PUDP: variants seen among roughly 807,000 people sequenced by gnomAD.
PUDP encodes the protein pseudouridine 5'-phosphatase, also known as pseudouridine-5'-phosphatase.
PUDP carries 8 observed loss-of-function variants against 9.4 expected under a neutral mutation model. That is an observed-to-expected ratio of 0.85 (90% CI 0.50 to 1.53). PUDP has a LOEUF of 1.53. PUDP is among the 40% of genes most tolerant of loss of function. The pLI is 0.00. For missense variants in PUDP, 188 were observed against 189.7 expected, an observed-to-expected ratio of 0.99 and a Z score of 0.05; for synonymous variants, 99 against 80.7, an observed-to-expected ratio of 1.23 and a Z score of -1.22.
chrX:6,963,133 A>G lies in PUDP; in HGVS notation c.*247+14000T>C, dbSNP rs1216688713. ...CAGGTATCCAACTTGTCATGCTTCT[A>G]CGATCTTTAACTCATGTCTTCAAGG... is the stretch of plus-strand genomic sequence containing the variant. On this transcript the variant is annotated intron_variant and NMD_transcript_variant, in intron 3 of 3. Coordinates refer to the PUDP transcript ENST00000655425. 8.9e-5 allele frequency among the ~76,000 whole-genome samples: 10 copies of G among 112,339 alleles called. No homozygotes were observed. The Admixed American group carries it at 9.5e-4, about 11-fold the overall frequency.
chrX:7,116,767 A>G (rs1932205267), intron 1 of PUDP, among the ~76,000 whole-genome samples: 1 of 111,793 alleles, frequency 8.9e-6, no homozygotes, highest in African/African-American at 3.3e-5. Flanking sequence ...TGTAGCCCTC[A>G]ATGTTGGAGG....
chrX:7,027,195 G>A (rs890983622), intron 1 of PUDP, among the ~76,000 whole-genome samples: 5 of 110,650 alleles, frequency 4.5e-5, no homozygotes, highest in Admixed American at 3.9e-4. Context: ...TTCTCCCATC[G>A]CAGCCCTGCT....
chrX:6,708,563 T>C (rs1483317686), intron 1 of PUDP, among the ~76,000 whole-genome samples: 4 of 112,420 alleles, frequency 3.6e-5, no homozygotes, highest in Non-Finnish European at 7.5e-5. Flanking sequence ...TCACATCAAC[T>C]AGATTATTTA....
In PUDP at chrX:6,923,959, C is replaced by T. The variant is rs1928062691; in HGVS notation, c.*247+53174G>A. Among the ~76,000 whole-genome samples the T allele has an allele frequency of 3.6e-5, 4 of 110,863 alleles. No homozygotes were observed. The Admixed American group carries it at 3.9e-4, about 11-fold the overall frequency. On this transcript the variant is annotated intron_variant and NMD_transcript_variant, in intron 3 of 3. Coordinates refer to the PUDP transcript ENST00000655425. ...TCCCTTGCCAGCCCCAAACTCATAC[C>T]ATGTCCATGGAGCCTTCCCACCTTC...
At chrX:7,026,665 T>C (rs895171719) in intron 1 of PUDP, among the ~76,000 whole-genome samples, 21 of 111,487 alleles carry the variant, frequency 1.9e-4, no homozygotes, top group Non-Finnish European at 3.2e-4. Context: ...CTAGAGACAT[T>C]GCTGGTTTCC....
intron 1 of PUDP, among the ~76,000 whole-genome samples, chrX:7,120,668 G>A (rs776770923): frequency 5.3e-5 from 6 of 112,277 alleles, no homozygotes; most frequent in Non-Finnish European, 1.1e-4. Flanking sequence ...GTTTACTCAA[G>A]AAAGAAAAGC....
intron 3 of PUDP, among the ~76,000 whole-genome samples, chrX:6,970,249 G>A (rs7890406): frequency 0.028 from 3,161 of 111,496 alleles, 57 homozygotes; most frequent in African/African-American, 0.067. Context: ...TTTGAAAATC[G>A]CTTTGTAAAA....
At chrX:6,866,957 A>G (rs372103479) in intron 3 of PUDP, among the ~76,000 whole-genome samples, 7 of 111,503 alleles carry the variant, frequency 6.3e-5, no homozygotes, top group African/African-American at 2.0e-4. Flanking sequence ...CAGGCCCCAG[A>G]GGGTAGGCGT....
Position 6,990,492 on chromosome X carries a change from T to A in PUDP, c.205-12149A>T, listed in dbSNP as rs144009106. ...ATAGAAAGTTCTAAAAAACGAGGAA[T>A]CAACAGAAAATTAAGTTCCAGTTTC... On this transcript the variant is annotated intron_variant and NMD_transcript_variant, in intron 1 of 3. Transcript: ENST00000655425. Among the ~76,000 whole-genome samples, 640 of 112,241 alleles carry A rather than the reference T, an allele frequency of 5.7e-3. 2 individuals are homozygous for A. Among genetic ancestry groups the A allele is most frequent in the African/African-American group, 0.02 (615 of 30,907 alleles).
intron 3 of PUDP, among the ~76,000 whole-genome samples, chrX:6,933,680 C>T (rs1320690075): frequency 6.3e-5 from 7 of 111,152 alleles, no homozygotes; most frequent in Non-Finnish European, 1.1e-4. Context: ...AATCAAATTA[C>T]TCTGAGCTAC....
At chrX:6,738,505 A>G (rs1287424971) in intron 3 of PUDP, among the ~76,000 whole-genome samples, 4 of 111,802 alleles carry the variant, frequency 3.6e-5, no homozygotes, top group African/African-American at 1.3e-4. Context: ...AGGCATATGT[A>G]TTTTTGAAAG....
chrX:7,062,099 C>T (rs184560013), intron 3 of PUDP, among the ~76,000 whole-genome samples: 58 of 111,981 alleles, frequency 5.2e-4, no homozygotes, highest in African/African-American at 1.8e-3. Context: ...AGAAGCTGGG[C>T]TTTAATCAAT....
At chrX:6,977,667 T>C (rs995110135) in intron 2 of PUDP, among the ~76,000 whole-genome samples, 2 of 112,038 alleles carry the variant, frequency 1.8e-5, no homozygotes, top group African/African-American at 6.5e-5. Flanking sequence ...TAGGTCTCCA[T>C]GTGTTGTTGC....
At chrX:7,093,718 G>A (rs1317435594) in intron 2 of PUDP, among the ~76,000 whole-genome samples, 1 of 111,712 alleles carries the variant, frequency 9.0e-6, no homozygotes, top group East Asian at 2.8e-4. Context: ...CCTCTCCTTT[G>A]AATCGAGAGG....
chrX:6,823,799 T>C (rs1161195151), intron 3 of PUDP, among the ~76,000 whole-genome samples: 1 of 112,872 alleles, frequency 8.9e-6, no homozygotes, highest in Non-Finnish European at 1.9e-5. Flanking sequence ...ATTCCTGGAA[T>C]GGAGGGTTCC....
rs771038517 is a variant in PUDP at position 6,910,015 on chromosome X, G to T, written c.*247+67118C>A. Among the ~76,000 whole-genome samples, 19 of 112,130 alleles carry T rather than the reference G, an allele frequency of 1.7e-4. 1 individual carries two copies. In the South Asian group the frequency reaches 6.7e-3, roughly 39 times the overall value. ...CAAGCTGTCTTTGCAGCTGAATTTG[G>T]CCATGTGGACTCAGTCATCACTATG... On this transcript the variant is annotated intron_variant and NMD_transcript_variant, in intron 3 of 3. Transcript: ENST00000655425.
chrX:7,031,085 T>C (rs1369581980), intron 1 of PUDP, among the ~76,000 whole-genome samples: 1 of 111,119 alleles, frequency 9.0e-6, no homozygotes, highest in East Asian at 2.8e-4. Context: ...GGGAAGGTAG[T>C]AGTGAGGATG....
chrX:6,930,720 A>G (rs1928176906), intron 3 of PUDP, among the ~76,000 whole-genome samples: 1 of 110,271 alleles, frequency 9.1e-6, no homozygotes, highest in African/African-American at 3.3e-5. Flanking sequence ...TCTACTCTGC[A>G]GACTCACCCC....
chrX:6,971,165 T>A (rs1244184153), intron 3 of PUDP, among the ~76,000 whole-genome samples: 1 of 111,869 alleles, frequency 8.9e-6, no homozygotes, highest in African/African-American at 3.2e-5. Flanking sequence ...TGCATGTTCA[T>A]GCGCCACCTG....
Sources: allele counts gnomAD v4.1 joint callset (sites outside exome capture counted in the v4.1 genomes callset), GRCh38; gene constraint gnomAD v4.1.1; transcripts MANE v1.5; gene names NCBI Gene and HGNC (gene_info 2026-07-23, HGNC 2026-07-21).